The following ROR1 variants were observed in gnomAD, a reference collection of about 807,000 sequenced individuals.
The protein encoded by ROR1 is inactive tyrosine-protein kinase transmembrane receptor ROR1.
ROR1 carries 19 observed loss-of-function variants against 78.8 expected under a neutral mutation model. The observed-to-expected ratio is 0.24, with a 90% CI of 0.17 to 0.35. ROR1 has a LOEUF of 0.35. Ranked by LOEUF, ROR1 falls within the 10% of genes least tolerant of loss-of-function variation. The probability of loss-of-function intolerance (pLI) is 1.00; values close to 1 mark genes in which losing one functional copy is unlikely to be tolerated. For missense variants in ROR1, 917 were observed against 1,177.8 expected (o/e 0.78, Z 3.24); for synonymous variants, 386 against 433.6 (o/e 0.89, Z 1.36).
At chr1:64,027,381 A>G (rs1488832085) in intron 2 of ROR1, among the ~76,000 whole-genome samples, 1 of 151,924 alleles carries the variant, frequency 6.6e-6, no homozygotes. Context: ...TTATGCTTTT[A>G]TTTCTCAACC....
intron 1 of ROR1, among the ~76,000 whole-genome samples, chr1:63,999,285 GA>G (rs1432947192): frequency 1.3e-5 from 2 of 152,182 alleles, no homozygotes; most frequent in Admixed American, 6.5e-5. Flanking sequence ...TCTTTTCTAT[GA>G]AGATCGGAGT....
intron 1 of ROR1, among the ~76,000 whole-genome samples, chr1:63,859,623 G>A (rs532554206): frequency 2.6e-5 from 4 of 152,250 alleles, no homozygotes; most frequent in South Asian, 2.1e-4. Flanking sequence ...GGGGTCAGTC[G>A]CCTGCCAGTT....
chr1:63,869,718 T>C (rs1231125541), intron 1 of ROR1, among the ~76,000 whole-genome samples: 1 of 152,220 alleles, frequency 6.6e-6, no homozygotes, highest in Non-Finnish European at 1.5e-5. Context: ...ACAACACTCA[T>C]GGAAGTCCTC....
intron 4 of ROR1, among the ~76,000 whole-genome samples, chr1:64,077,802 G>C (rs1271235102): frequency 6.6e-6 from 1 of 152,214 alleles, no homozygotes; most frequent in Non-Finnish European, 1.5e-5. Context: ...CTGCTGAAAA[G>C]GCCAGAGCCA....
chr1:63,968,414 T>A (rs1207823763), intron 1 of ROR1, among the ~76,000 whole-genome samples: 1 of 124,128 alleles, frequency 8.1e-6, no homozygotes, highest in Non-Finnish European at 1.7e-5. Context: ...TAATGGTTAT[T>A]ACTGGATAGT....
chr1:64,179,173 A>T lies in ROR1; in HGVS notation c.*318A>T, dbSNP rs1373201174. ...TGAAGAGGAAAAGAACCTTGTGATT[A>T]AATATAAAACCAAAAGTCAAATGGT... On this transcript the variant is annotated 3_prime_UTR_variant, in exon 9 of 9. Coordinates refer to ENST00000371079, the MANE Select transcript of ROR1 (RefSeq NM_005012.4). The T allele has an allele frequency of 1.7e-5, 4 of 239,734 alleles. No individual in the cohort carries two copies. The highest frequency in any genetic ancestry group is 3.2e-5 in the Non-Finnish European group (4 of 124,602). 14.9% of individuals were successfully genotyped at this position (239,734 alleles called of 1,614,324 possible). A position where few individuals can be genotyped will look rare whatever the true frequency, so the allele number is the denominator to read the frequency against.
At chr1:63,816,131 T>G (rs1490512018) in intron 1 of ROR1, among the ~76,000 whole-genome samples, 5 of 152,148 alleles carry the variant, frequency 3.3e-5, no homozygotes, top group African/African-American at 1.2e-4. Context: ...TTCCCACCCT[T>G]TAGCTCATGT....
At chr1:64,159,581 T>A (rs1317548544) in intron 8 of ROR1, among the ~76,000 whole-genome samples, 1 of 152,202 alleles carries the variant, frequency 6.6e-6, no homozygotes, top group African/African-American at 2.4e-5. Flanking sequence ...CAAACTTCAC[T>A]GTCAAGAACC....
intron 1 of ROR1, among the ~76,000 whole-genome samples, chr1:63,865,679 C>G (rs1039862796): frequency 6.6e-6 from 1 of 152,080 alleles, no homozygotes; most frequent in Non-Finnish European, 1.5e-5. Flanking sequence ...AAATGATGCT[C>G]GTGTTATTGA....
At chr1:64,069,314 C>T (rs997563687) in intron 4 of ROR1, among the ~76,000 whole-genome samples, 1 of 152,174 alleles carries the variant, frequency 6.6e-6, no homozygotes, top group Non-Finnish European at 1.5e-5. Context: ...TATCTTCTTC[C>T]CGTCTCTTTT....
chr1:64,051,468 A>AT (rs1557627978), intron 4 of ROR1, among the ~76,000 whole-genome samples: 1 of 132,008 alleles, frequency 7.6e-6, no homozygotes, highest in African/African-American at 3.2e-5. Context: ...AAAATAAAAT[A>AT]AAATAAAATA....
At position 64,177,530 on chromosome 1, in the gene ROR1, A is replaced by G. The variant is rs759165636; in HGVS notation, c.1489A>G (p.Met497Val). The change falls in exon 9 of 9, where the codon ATG becomes GTG. Residue 497 changes from methionine (M) to valine (V), a missense_variant. Coordinates refer to ENST00000371079, the MANE Select transcript of ROR1 (RefSeq NM_005012.4). Reference protein sequence around the residue: ...IYKGHLYLPGMDHAQLVAIKT... With the variant: ...IYKGHLYLPGVDHAQLVAIKT... ...TAAAGGCCATCTCTATCTCCCAGGC[A>G]TGGACCATGCTCAGCTGGTTGCTAT... is the stretch of plus-strand genomic sequence containing the variant. 2.0e-5 allele frequency: 33 copies of G among 1,614,064 alleles called. No homozygotes were observed. Among genetic ancestry groups the G allele is most frequent in the Non-Finnish European group, 2.7e-5 (32 of 1,180,036 alleles).
At chr1:63,901,857 A>G (rs956261169) in intron 1 of ROR1, among the ~76,000 whole-genome samples, 1 of 152,180 alleles carries the variant, frequency 6.6e-6, no homozygotes, top group Non-Finnish European at 1.5e-5. Context: ...TCAAGAAGCT[A>G]GCAAGCTAGT....
chr1:64,017,177 A>G (rs138410268), intron 2 of ROR1, among the ~76,000 whole-genome samples: 11 of 152,144 alleles, frequency 7.2e-5, no homozygotes, highest in African/African-American at 2.4e-4. Context: ...AAGTGCTGGG[A>G]TTACAAGCAT....
At chr1:63,971,021 T>C (rs1324461868) in intron 1 of ROR1, among the ~76,000 whole-genome samples, 1 of 152,202 alleles carries the variant, frequency 6.6e-6, no homozygotes, top group African/African-American at 2.4e-5. Context: ...TTCCTCTCAC[T>C]CAGACAGTAT....
intron 1 of ROR1, among the ~76,000 whole-genome samples, chr1:63,848,130 C>T (rs1645092860): frequency 6.6e-6 from 1 of 152,164 alleles, no homozygotes; most frequent in South Asian, 2.1e-4. Flanking sequence ...GGCCACTTGT[C>T]GCTCTCTGTT....
intron 1 of ROR1, among the ~76,000 whole-genome samples, chr1:63,905,685 C>A (rs1469565804): frequency 6.6e-6 from 1 of 152,168 alleles, no homozygotes; most frequent in Admixed American, 6.5e-5. Flanking sequence ...AATAGACATG[C>A]ACCATCATGG....
chr1:64,024,444 G>T (rs1646592184), intron 2 of ROR1, among the ~76,000 whole-genome samples: 1 of 152,100 alleles, frequency 6.6e-6, no homozygotes, highest in Admixed American at 6.6e-5. Context: ...TTGCACCACT[G>T]CACTCCAGCC....
chr1:63,844,571 C>T (rs1645069041), intron 1 of ROR1, among the ~76,000 whole-genome samples: 1 of 152,084 alleles, frequency 6.6e-6, no homozygotes, highest in African/African-American at 2.4e-5. Context: ...TCACAGTCTA[C>T]TAGGGTGTTT....
Sources: gnomAD v4.1 joint callset for allele counts (sites outside exome capture counted in the v4.1 genomes callset) on GRCh38, gnomAD v4.1.1 for gene constraint, MANE v1.5 for transcripts, NCBI Gene and HGNC (gene_info 2026-07-23, HGNC 2026-07-21) for gene names.